CHERP: variants seen among roughly 807,000 people sequenced by gnomAD.
The protein encoded by CHERP is ERPROT 213-21.
In CHERP, 8 loss-of-function variants were observed where a neutral mutation model predicts 113.8. The ratio of observed to expected loss-of-function variants is 0.07; its 90% CI spans 0.04 to 0.13. CHERP has a LOEUF of 0.13. Ranked by LOEUF, CHERP falls within the 10% of genes least tolerant of loss-of-function variation. The pLI, the probability that CHERP is intolerant of heterozygous loss-of-function variation, is 1.00. For missense variants in CHERP, 884 were observed against 1,298.2 expected (o/e 0.68, Z 4.90); for synonymous variants, 559 against 524.5 (o/e 1.07, Z -0.90).
In CHERP at chr19:16,541,814, G is replaced by A. The variant is rs967329415; in HGVS notation, c.199+56C>T. On this transcript the variant is annotated intron_variant, in intron 2 of 16. Coordinates refer to ENST00000546361, the MANE Select transcript of CHERP (RefSeq NM_006387.6). ...AGAGGTTTGTGGCAGAGCCCGGACT[G>A]GAATCCGAGAAAGGAAGCGCTCGAT... 4 of 1,557,134 alleles carry A rather than the reference G, an allele frequency of 2.6e-6. No individual in the cohort carries two copies. The African/African-American group carries it at 4.1e-5, about 16-fold the overall frequency.
In CHERP at chr19:16,528,200, T is replaced by A. The variant is rs149859013; in HGVS notation, c.1185A>T (p.Gly395=). The A allele has an allele frequency of 3.4e-4, 545 of 1,608,546 alleles. 3 individuals are homozygous for A. The African/African-American group carries it at 6.2e-3, about 18-fold the overall frequency. ...CGGCAGCTGCAGGATCCTGGACCCCTCCTGGAGCTTCGTACTCTGAAGAGC... is the reference window on the plus strand; with the variant it reads ...CGGCAGCTGCAGGATCCTGGACCCCACCTGGAGCTTCGTACTCTGAAGAGC... The part of the protein sequence containing the change: ...MPGSSEYEAP[G]GVQDPAAAGP... The change falls in exon 9 of 17, where the codon GGA becomes GGT. Residue 395 remains glycine, a synonymous_variant. Transcript: ENST00000546361.
rs1297903885 is a variant in CHERP, at chr19:16,520,541, G to C, written c.2202-34C>G. 1 of 1,596,720 alleles carries C rather than the reference G, an allele frequency of 6.3e-7. No homozygotes were observed. Among genetic ancestry groups the C allele is most frequent in the Non-Finnish European group, 8.5e-7 (1 of 1,170,938 alleles). On this transcript the variant is annotated intron_variant, in intron 13 of 16. Transcript: ENST00000546361. The surrounding 1 kb of genome is among the most constrained non-coding windows in gnomAD (Gnocchi z 4.0). ...AGAGGCCTGATGATCAGGTGCCCCA[G>C]TGGATGGGCTGCACCCAGCCCACCC...
chr19:16,542,419 G>C lies in CHERP; in HGVS notation c.-41C>G, dbSNP rs781515599. The C allele has an allele frequency of 5.3e-6, 7 of 1,331,994 alleles. No homozygotes were observed. In the East Asian group the frequency reaches 1.4e-4, roughly 27 times the overall value. The allele number at this position is 1,331,994 out of a possible 1,614,324, so 82.5% of individuals were successfully genotyped here. ...GAACGTCCTCCGGCGCCACACGATC[G>C]ACCACCAGCGCCGTCTGCGGAAGCC... On this transcript the variant is annotated 5_prime_UTR_variant, in exon 1 of 17. Coordinates refer to ENST00000546361, the MANE Select transcript of CHERP (RefSeq NM_006387.6).
chr19:16,532,780 AG>A lies in CHERP; in HGVS notation c.523-32del, dbSNP rs773640556. The A allele has an allele frequency of 3.8e-6, 6 of 1,587,876 alleles. No individual in the cohort carries two copies. The highest frequency in any genetic ancestry group is 5.2e-6 in the Non-Finnish European group (6 of 1,162,590). On this transcript the variant is annotated intron_variant, in intron 4 of 16. Coordinates refer to ENST00000546361, the MANE Select transcript of CHERP (RefSeq NM_006387.6). The surrounding 1 kb of genome is among the most constrained non-coding windows in gnomAD (Gnocchi z 4.4). ...ACAACCGAGCCAATGACGAGTGAGC[AG>A]GGCCGCGGCTCCCCCAGGCACCCAC...
intron 2 of CHERP, among the ~76,000 whole-genome samples, chr19:16,536,263 C>A (rs899007775): frequency 2.6e-5 from 4 of 152,196 alleles, no homozygotes; most frequent in Non-Finnish European, 2.9e-5. Context: ...CAGTGAGACA[C>A]CCATTCTGCC....
rs775282607 is a variant in CHERP, at chr19:16,519,249, G to A, written c.2661C>T (p.Gly887=). 22 of 1,614,020 alleles carry A rather than the reference G, an allele frequency of 1.4e-5. No individual in the cohort carries two copies. The highest frequency in any genetic ancestry group is 5.0e-5 in the Admixed American group (3 of 60,012). Residue 887 remains glycine, a synonymous_variant, in exon 17 of 17, where the codon GGC becomes GGT. Coordinates refer to ENST00000546361, the MANE Select transcript of CHERP (RefSeq NM_006387.6). The surrounding 1 kb of genome is among the most constrained non-coding windows in gnomAD (Gnocchi z 6.0). ...RDKWDQYKGV[G]VALDDPYENY... is the part of the protein sequence containing the mutation. ...TCTCATAGGGGTCATCCAGAGCCAC[G>A]CCCACGCCTTTATACTGGTCCCACT...
At chr19:16,540,380 CT>C (rs199633213) in intron 2 of CHERP, among the ~76,000 whole-genome samples, 9,895 of 123,380 alleles carry the variant, frequency 0.08, 407 homozygotes, top group Admixed American at 0.15. Context: ...TTTCAAGCTG[CT>C]TTTTTTTTTT....
At position 16,520,620 on chromosome 19, in the gene CHERP, G is replaced by A. The variant is rs1333971827; in HGVS notation, c.2202-113C>T. On this transcript the variant is annotated intron_variant, in intron 13 of 16. Coordinates refer to ENST00000546361, the MANE Select transcript of CHERP (RefSeq NM_006387.6). The surrounding 1 kb of genome is among the most constrained non-coding windows in gnomAD (Gnocchi z 4.0). Reference sequence around the variant, plus strand: ...ATGCAGGGGCTCTGGCTGTGGATGTGGCGCCATAGCCACAGCAACGGTACC... The same window carrying A: ...ATGCAGGGGCTCTGGCTGTGGATGTAGCGCCATAGCCACAGCAACGGTACC... 7.6e-7 allele frequency: 1 copy of A among 1,310,844 alleles called. No individual in the cohort carries two copies. Among genetic ancestry groups the A allele is most frequent in the Non-Finnish European group, 1.1e-6 (1 of 938,274 alleles). The allele number at this position is 1,310,844 out of a possible 1,614,324, so 81.2% of individuals were successfully genotyped here. A position where few individuals can be genotyped will look rare whatever the true frequency, so the allele number is the denominator to read the frequency against.
chr19:16,519,945 G>A lies in CHERP; in HGVS notation c.2462+204C>T, dbSNP rs978370908. On this transcript the variant is annotated intron_variant, in intron 15 of 16. Transcript: ENST00000546361. This position sits in a 1 kb window ranked among gnomAD's most constrained non-coding sequence, Gnocchi z 6.0. ...TTGAGAGCAGGACACCTCCAACCCAGATGGTGGTTAGAAAGCAGACCCCAG... is the reference window on the plus strand; with the variant it reads ...TTGAGAGCAGGACACCTCCAACCCAAATGGTGGTTAGAAAGCAGACCCCAG... 5 of 668,186 alleles carry A rather than the reference G, an allele frequency of 7.5e-6. No homozygotes were observed. Among genetic ancestry groups the A allele is most frequent in the Non-Finnish European group, 1.3e-5 (5 of 390,878 alleles). 41.4% of individuals were successfully genotyped at this position (668,186 alleles called of 1,614,324 possible). A position where few individuals can be genotyped will look rare whatever the true frequency, so the allele number is the denominator to read the frequency against.
rs562221031 is a variant in CHERP, at chr19:16,530,307, C to T, written c.876+278G>A. ...TGGGCTTCCTCATGCTTCCACCACACCGGAACATGCCTGACCACCAGAGCA... is the reference window on the plus strand; with the variant it reads ...TGGGCTTCCTCATGCTTCCACCACATCGGAACATGCCTGACCACCAGAGCA... On this transcript the variant is annotated intron_variant, in intron 7 of 16. Transcript: ENST00000546361. This position sits in a 1 kb window ranked among gnomAD's most constrained non-coding sequence, Gnocchi z 4.1. 3.3e-4 allele frequency among the ~76,000 whole-genome samples: 51 copies of T among 152,324 alleles called. 1 individual carries two copies. The South Asian group carries it at 9.3e-3, about 28-fold the overall frequency.
rs1214983501 is a variant in CHERP, at chr19:16,525,851, C to G, written c.1306-174G>C. Reference sequence around the variant, plus strand: ...GAGGATGCTGGGCACCTGCTCTCAGCCCGCACCACATGCTGCTGCAAAATG... The same window carrying G: ...GAGGATGCTGGGCACCTGCTCTCAGGCCGCACCACATGCTGCTGCAAAATG... On this transcript the variant is annotated intron_variant, in intron 9 of 16. Coordinates refer to ENST00000546361, the MANE Select transcript of CHERP (RefSeq NM_006387.6). This position sits in a 1 kb window ranked among gnomAD's most constrained non-coding sequence, Gnocchi z 6.5. Among the ~76,000 whole-genome samples the G allele has an allele frequency of 6.6e-6, 1 of 152,158 alleles. No homozygotes were observed. The highest frequency in any genetic ancestry group is 2.4e-5 in the African/African-American group (1 of 41,442).
chr19:16,533,856 A>G (rs574866801), intron 3 of CHERP, among the ~76,000 whole-genome samples: 1 of 152,296 alleles, frequency 6.6e-6, no homozygotes, highest in African/African-American at 2.4e-5. Context: ...AGGCAATAGA[A>G]GAAGAGGATA....
Position 16,535,898 on chromosome 19 carries a change from C to T in CHERP, c.200-262G>A, listed in dbSNP as rs73514917. Among the ~76,000 whole-genome samples, 136 of 152,336 alleles carry T rather than the reference C, an allele frequency of 8.9e-4. No homozygotes were observed. Among genetic ancestry groups the T allele is most frequent in the African/African-American group, 3.2e-3 (131 of 41,582 alleles). On this transcript the variant is annotated intron_variant, in intron 2 of 16. Coordinates refer to ENST00000546361, the MANE Select transcript of CHERP (RefSeq NM_006387.6). This position sits in a 1 kb window ranked among gnomAD's most constrained non-coding sequence, Gnocchi z 4.3. ...CTAGGAAGTCCCCTGGCCGCTCTCT[C>T]GCCAGCACCATCCAGTCCTTGCGCA...
chr19:16,537,096 C>T (rs1385674091), intron 2 of CHERP, among the ~76,000 whole-genome samples: 3 of 152,032 alleles, frequency 2.0e-5, no homozygotes, highest in East Asian at 3.9e-4. Context: ...CCTCTCTAAA[C>T]GATTTCTCAG....
chr19:16,540,685 TTTTC>T (rs1319251547), intron 2 of CHERP, among the ~76,000 whole-genome samples: 3 of 150,212 alleles, frequency 2.0e-5, no homozygotes, highest in Non-Finnish European at 3.0e-5. Context: ...CTTTCAAGCC[TTTTC>T]TTTTTCTTTC....
In CHERP at chr19:16,535,555, G is replaced by A. The variant is rs776390119; in HGVS notation, c.281C>T (p.Ala94Val). The A allele has an allele frequency of 3.4e-5, 54 of 1,581,100 alleles. No individual in the cohort carries two copies. In the East Asian group the frequency reaches 9.3e-4, roughly 27 times the overall value. The change falls in exon 3 of 17, where the codon GCG becomes GTG. Residue 94 changes from alanine (A) to valine (V), a missense_variant. Physicochemically the swap from Ala to Val is moderately conservative, Grantham distance 64 (BLOSUM62 0). Transcript: ENST00000546361. The surrounding 1 kb of genome is among the most constrained non-coding windows in gnomAD (Gnocchi z 4.3). Reference protein sequence around the residue: ...PLPQPPLAPAAPIPPAQGAPS... With the variant: ...PLPQPPLAPAVPIPPAQGAPS... ...CGCGCCCTGGGCCGGCGGGATGGGC[G>A]CGGCGGGGGCCAGCGGGGGCTGTGG... is the stretch of plus-strand genomic sequence containing the variant.
chr19:16,523,493 C>T lies in CHERP; in HGVS notation c.1742-203G>A, dbSNP rs2085635782. ...GGGGCCTGTCCCGCACCCATAGGCACAGCCGAGGGAGCTTGAGGCTGAGAG... is the reference window on the plus strand; with the variant it reads ...GGGGCCTGTCCCGCACCCATAGGCATAGCCGAGGGAGCTTGAGGCTGAGAG... On this transcript the variant is annotated intron_variant, in intron 10 of 16. Coordinates refer to ENST00000546361, the MANE Select transcript of CHERP (RefSeq NM_006387.6). The surrounding 1 kb of genome is among the most constrained non-coding windows in gnomAD (Gnocchi z 4.0). Among the ~76,000 whole-genome samples the T allele has an allele frequency of 6.6e-6, 1 of 152,136 alleles. No homozygotes were observed. The highest frequency in any genetic ancestry group is 6.5e-5 in the Admixed American group (1 of 15,272).
intron 8 of CHERP, among the ~76,000 whole-genome samples, chr19:16,529,057 G>C (rs2085677155): frequency 6.6e-6 from 1 of 152,218 alleles, no homozygotes; most frequent in African/African-American, 2.4e-5. Flanking sequence ...TTCTGAGACA[G>C]GGTCTCGCTT....
chr19:16,519,302 G>A lies in CHERP; in HGVS notation c.2608C>T (p.Pro870Ser). The change falls in exon 17 of 17, where the codon CCC becomes TCC. Residue 870 changes from proline (P) to serine (S), a missense_variant. Transcript: ENST00000546361. The surrounding 1 kb of genome is among the most constrained non-coding windows in gnomAD (Gnocchi z 6.0). ...LGAKEQGIQD[P>S]IKGGDVRDKW... ...TCCCGGACGTCCCCGCCCTTGATGG[G>A]GTCCTGGATCCCTTGCTCCTTCGCA... 6.2e-7 allele frequency: 1 copy of A among 1,613,868 alleles called. No homozygotes were observed. The highest frequency in any genetic ancestry group is 8.5e-7 in the Non-Finnish European group (1 of 1,179,998).
Sources: gnomAD v4.1 joint callset for allele counts (sites outside exome capture counted in the v4.1 genomes callset) on GRCh38, gnomAD v4.1.1 for gene constraint, Gnocchi (gnomAD v3.1) non-coding constraint, MANE v1.5 for transcripts, NCBI Gene and HGNC (gene_info 2026-07-23, HGNC 2026-07-21) for gene names.